Variants in ANKFN1 observed in about 807,000 individuals in gnomAD.
ANKFN1 encodes the protein ankyrin repeat and fibronectin type-III domain-containing protein 1.
Under a neutral mutation model 108.7 loss-of-function variants are expected in ANKFN1, and 74 were observed. The ratio of observed to expected loss-of-function variants is 0.68; its 90% confidence interval spans 0.56 to 0.83. The LOEUF is 0.83. Ranked by LOEUF, ANKFN1 falls within the 40% of genes least tolerant of loss-of-function variation. The pLI is 0.00. For missense variants in ANKFN1, 1,505 were observed against 1,382.3 expected (o/e 1.09, Z -1.41); for synonymous variants, 547 against 516.2 (o/e 1.06, Z -0.81).
intron 18 of ANKFN1, among the ~76,000 whole-genome samples, chr17:56,490,301 CTT>C (rs2050993009): frequency 6.6e-6 from 1 of 152,142 alleles, no homozygotes; most frequent in Admixed American, 6.6e-5. Context: ...TCAGTGAAAA[CTT>C]TGCTGAGGAG....
At chr17:56,158,147 A>G (rs1457511958) in intron 1 of ANKFN1, among the ~76,000 whole-genome samples, 2 of 152,188 alleles carry the variant, frequency 1.3e-5, no homozygotes, top group Non-Finnish European at 1.5e-5. Context: ...TTTGAACACC[A>G]TGGACTCGGG....
chr17:56,174,807 C>A (rs1486723791), intron 1 of ANKFN1, among the ~76,000 whole-genome samples: 1 of 152,192 alleles, frequency 6.6e-6, no homozygotes, highest in Non-Finnish European at 1.5e-5. Flanking sequence ...TCTTTCCCCT[C>A]CCCCAGACTG....
rs2046227980 is a variant in ANKFN1, at chr17:56,350,837, C to A, written c.260C>A (p.Pro87His). The A allele has an allele frequency of 1.2e-6, 2 of 1,613,694 alleles. No homozygotes were observed. Among genetic ancestry groups the A allele is most frequent in the Non-Finnish European group, 8.5e-7 (1 of 1,179,872 alleles). ...HLCQSKKHSAPSSPNAAKRLY... is the reference protein window; with the variant it reads ...HLCQSKKHSAHSSPNAAKRLY... ...TGTCAGTCAAAAAAACATAGTGCTC[C>A]CTCATCTCCCAACGCAGCCAAACGC... The change falls in exon 5 of 21, where the codon CCC (proline) becomes CAC (histidine). Residue 87 changes from proline to histidine, a missense_variant. Transcript: ENST00000682825.
At chr17:56,155,388 C>T (rs1567808102) in intron 1 of ANKFN1, among the ~76,000 whole-genome samples, 1 of 152,218 alleles carries the variant, frequency 6.6e-6, no homozygotes, top group African/African-American at 2.4e-5. Context: ...AATCTCTGCC[C>T]TTGGAATGTG....
intron 8 of ANKFN1, among the ~76,000 whole-genome samples, chr17:56,385,406 A>G (rs1048076661): frequency 1.3e-5 from 2 of 152,244 alleles, no homozygotes; most frequent in African/African-American, 2.4e-5. Flanking sequence ...GGACATAGGC[A>G]TGGGCAAGGA....
chr17:56,199,736 G>A (rs950787356), intron 1 of ANKFN1, among the ~76,000 whole-genome samples: 1 of 152,108 alleles, frequency 6.6e-6, no homozygotes, highest in Non-Finnish European at 1.5e-5. Context: ...AGTGAAATCT[G>A]AATTTTCGAT....
At chr17:56,380,745 C>A (rs1010743763) in intron 8 of ANKFN1, among the ~76,000 whole-genome samples, 1 of 152,244 alleles carries the variant, frequency 6.6e-6, no homozygotes, top group African/African-American at 2.4e-5. Flanking sequence ...GGGCGCCCGC[C>A]ATTGCCCAGG....
chr17:56,402,206 A>G (rs1462190873), intron 8 of ANKFN1, among the ~76,000 whole-genome samples: 4 of 152,142 alleles, frequency 2.6e-5, no homozygotes, highest in Non-Finnish European at 5.9e-5. Context: ...TGCTGGCTTC[A>G]TAGAATGAAT....
chr17:56,478,668 T>C (rs1205799805), intron 16 of ANKFN1, among the ~76,000 whole-genome samples: 1 of 147,142 alleles, frequency 6.8e-6, no homozygotes, highest in Non-Finnish European at 1.5e-5. Flanking sequence ...TGAATTGTGC[T>C]CAACATAAAA....
chr17:56,245,560 T>C (rs1485851189), intron 3 of ANKFN1: 1 of 152,184 alleles, frequency 6.6e-6, no homozygotes. Flanking sequence ...TGTGACTTGA[T>C]AGCAATTCTA....
intron 3 of ANKFN1, among the ~76,000 whole-genome samples, chr17:56,252,970 G>A (rs1167121409): frequency 6.6e-6 from 1 of 152,182 alleles, no homozygotes; most frequent in Non-Finnish European, 1.5e-5. Flanking sequence ...GGTGAGGTGG[G>A]GGGATTGCTT....
At chr17:56,240,507 G>C (rs1183776708) in intron 3 of ANKFN1, among the ~76,000 whole-genome samples, 2 of 152,024 alleles carry the variant, frequency 1.3e-5, no homozygotes, top group African/African-American at 2.4e-5. Context: ...GATTATCCTT[G>C]TAGCCTCATG....
chr17:56,479,834 C>T (rs2145362017), intron 16 of ANKFN1, among the ~76,000 whole-genome samples: 1 of 152,324 alleles, frequency 6.6e-6, no homozygotes, highest in East Asian at 1.9e-4. Context: ...CTGCTGCTCC[C>T]TGCAGAGTTC....
At chr17:56,316,648 C>CA (rs2045216257) in intron 3 of ANKFN1, among the ~76,000 whole-genome samples, 1 of 151,404 alleles carries the variant, frequency 6.6e-6, no homozygotes, top group Non-Finnish European at 1.5e-5. Flanking sequence ...GAAGAATTGA[C>CA]AAAAAACAAA....
chr17:56,318,122 T>A (rs1458440115), intron 3 of ANKFN1, among the ~76,000 whole-genome samples: 1 of 152,210 alleles, frequency 6.6e-6, no homozygotes, highest in African/African-American at 2.4e-5. Context: ...TGCCTTTTTT[T>A]AAATTTTATT....
intron 4 of ANKFN1, among the ~76,000 whole-genome samples, chr17:56,133,528 CTGTGTGTGTGTGTGTG>C (rs10598270): frequency 0.34 from 49,841 of 146,348 alleles, 8,781 homozygotes; most frequent in East Asian, 0.52. Context: ...ATGTGTATAC[CTGTGTGTGTGTGTGTG>C]TGTGTGTGTG....
Position 56,498,964 on chromosome 17 carries a change from T to G in ANKFN1, c.2510T>G (p.Leu837Trp). 6.5e-7 allele frequency: 1 copy of G among 1,535,806 alleles called. No individual in the cohort carries two copies. The highest frequency in any genetic ancestry group is 1.2e-5 in the South Asian group (1 of 84,060). Residue 837 changes from leucine (L) to tryptophan (W), a missense_variant, in exon 20 of 21, where the codon TTG (leucine) becomes TGG (tryptophan). Physicochemically the swap from Leu to Trp is moderately conservative, Grantham distance 61 (BLOSUM62 -2). Transcript: ENST00000682825. Reference sequence around the variant, plus strand: ...AGATACAAACAACCAGTTTCTGGCTTGCCCATCACTAAGCTGATAGACCCC... The same window carrying G: ...AGATACAAACAACCAGTTTCTGGCTGGCCCATCACTAAGCTGATAGACCCC... ...YARYKQPVSG[L>W]PITKLIDPSD...
At chr17:56,188,548 T>TGC (rs1912486387) in intron 1 of ANKFN1, among the ~76,000 whole-genome samples, 1 of 59,088 alleles carries the variant, frequency 1.7e-5, no homozygotes, top group East Asian at 1.2e-3. Flanking sequence ...GATGTATATG[T>TGC]GTGTGTGTGT....
chr17:56,202,373 C>A (rs1306549024), intron 1 of ANKFN1, among the ~76,000 whole-genome samples: 2 of 152,110 alleles, frequency 1.3e-5, no homozygotes, highest in Admixed American at 1.3e-4. Context: ...GTATGGTTAC[C>A]AGCATAATCT....
Sources: gnomAD v4.1 joint callset for allele counts (sites outside exome capture counted in the v4.1 genomes callset) on GRCh38, gnomAD v4.1.1 for gene constraint, MANE v1.5 for transcripts, NCBI Gene and HGNC (gene_info 2026-07-23, HGNC 2026-07-21) for gene names.